The following DNAH11 variants were observed in gnomAD, a reference collection of about 807,000 sequenced individuals.
DNAH11 encodes axonemal beta dynein heavy chain 11.
In DNAH11, 442 loss-of-function variants were observed where a neutral mutation model predicts 526.0. The observed-to-expected ratio is 0.84, with a 90% CI of 0.78 to 0.91. DNAH11 has a LOEUF of 0.91. DNAH11 is among the 40% of genes least tolerant of loss of function. DNAH11 has a pLI of 0.00. For missense variants in DNAH11, 6,989 were observed against 5,448.7 expected (o/e 1.28, Z -8.90); for synonymous variants, 2,461 against 1,935.9 (o/e 1.27, Z -7.12).
chr7:21,900,821 C>T (rs1784769944), intron 81 of DNAH11, 186 bp from the exon 82 acceptor site: 2 of 877,582 alleles, frequency 2.3e-6, no homozygotes, highest in Non-Finnish European at 3.3e-6. Flanking sequence ...AAAGCGGTGC[C>T]TCCGCTGCAG....
At chr7:21,742,223 G>C in intron 49 of DNAH11, 57 bp downstream of exon 49, 3 of 1,557,018 alleles carry the variant, frequency 1.9e-6, no homozygotes, top group Non-Finnish European at 2.6e-6. Flanking sequence ...ATAATACTAT[G>C]TATTAGCCCA....
At chr7:21,692,949 A>G (rs1783691892) in intron 35 of DNAH11, among the ~76,000 whole-genome samples, 1 of 152,032 alleles carries the variant, frequency 6.6e-6, no homozygotes, top group African/African-American at 2.4e-5. Flanking sequence ...TTACATACTT[A>G]TTGTCTATTG....
intron 10 of DNAH11, 78 bp from the exon 11 acceptor site, chr7:21,588,434 A>G (rs1784549916): frequency 6.5e-7 from 1 of 1,550,044 alleles, no homozygotes; most frequent in Non-Finnish European, 8.8e-7. Context: ...TACCAAAATG[A>G]AAAATTGCTT....
chr7:21,736,982 A>T (rs1177129160), intron 46 of DNAH11, among the ~76,000 whole-genome samples: 8 of 152,252 alleles, frequency 5.3e-5, no homozygotes, highest in Admixed American at 5.2e-4. Context: ...CAGTAGTTGA[A>T]CAAATTACCT....
chr7:21,749,079 T>A (rs887239524), intron 52 of DNAH11, among the ~76,000 whole-genome samples: 2 of 152,106 alleles, frequency 1.3e-5, no homozygotes, highest in African/African-American at 4.8e-5. Flanking sequence ...GTATGATAGG[T>A]TGGGGAAAAA....
At chr7:21,610,187 T>G (rs2390545) in intron 20 of DNAH11, among the ~76,000 whole-genome samples, 41,305 of 151,912 alleles carry the variant, frequency 0.27, 5,901 homozygotes, top group East Asian at 0.55. Context: ...CTGGGAGGTG[T>G]AGCTTGCAGT....
intron 56 of DNAH11, among the ~76,000 whole-genome samples, chr7:21,777,771 AG>A (rs1227272638): frequency 6.6e-6 from 1 of 152,208 alleles, no homozygotes; most frequent in Non-Finnish European, 1.5e-5. Context: ...CTGAAAAATC[AG>A]TCATAGCTTA....
chr7:21,875,497 G>A (rs17145811), intron 74 of DNAH11, among the ~76,000 whole-genome samples: 5,903 of 152,010 alleles, frequency 0.039, 391 homozygotes, highest in African/African-American at 0.13. Context: ...ATACACGTTC[G>A]AAAATATACT....
intron 47 of DNAH11, among the ~76,000 whole-genome samples, 178 bp downstream of exon 47, chr7:21,739,044 C>T (rs1286376909): frequency 1.2e-4 from 18 of 152,146 alleles, no homozygotes; most frequent in African/African-American, 3.6e-4. Flanking sequence ...CTTTGTATCT[C>T]TTTTCATCAT....
At chr7:21,639,854 G>T (rs1229176358) in intron 28 of DNAH11, among the ~76,000 whole-genome samples, 1 of 149,764 alleles carries the variant, frequency 6.7e-6, no homozygotes, top group East Asian at 2.0e-4. Flanking sequence ...ATATAATTGT[G>T]GAGTTTTCTC....
intron 25 of DNAH11, among the ~76,000 whole-genome samples, chr7:21,627,941 G>T (rs66968075): frequency 6.6e-6 from 1 of 151,748 alleles, no homozygotes; most frequent in South Asian, 2.1e-4. Flanking sequence ...TGTGTCTTCA[G>T]TTTTTTTCAT....
chr7:21,681,808 G>A, intron 31 of DNAH11, 131 bp downstream of exon 31: 1 of 1,170,278 alleles, frequency 8.5e-7, no homozygotes. Context: ...GAAAAGTTGT[G>A]TTTGTCTTGG....
At chr7:21,616,361 T>A (rs1356108082) in intron 22 of DNAH11, 69 bp downstream of exon 22, 10 of 1,270,360 alleles carry the variant, frequency 7.9e-6, no homozygotes, top group Non-Finnish European at 1.1e-5. Context: ...TCTTCCCTAA[T>A]CTAGTATCTG....
At chr7:21,587,913 G>A (rs778754854) in intron 9 of DNAH11, 151 bp from the exon 10 acceptor site, 4 of 685,048 alleles carry the variant, frequency 5.8e-6, no homozygotes, top group Non-Finnish European at 8.7e-6. Flanking sequence ...TTAGGGAGAT[G>A]GAAAAATACA....
At chr7:21,650,842 A>G (rs767883479) in intron 28 of DNAH11, among the ~76,000 whole-genome samples, 1 of 150,876 alleles carries the variant, frequency 6.6e-6, no homozygotes, top group Non-Finnish European at 1.5e-5. Flanking sequence ...GTTTCACCAT[A>G]TTGGCCAGGC....
intron 42 of DNAH11, among the ~76,000 whole-genome samples, chr7:21,716,236 A>G (rs1045404043): frequency 3.3e-5 from 5 of 152,144 alleles, no homozygotes; most frequent in African/African-American, 1.2e-4. Context: ...CTTGTGCCCA[A>G]TAGGACGCTA....
chr7:21,899,394 C>G lies in DNAH11; in HGVS notation c.13108C>G (p.Leu4370Val), dbSNP rs746738432. 7 of 1,613,898 alleles carry G rather than the reference C, an allele frequency of 4.3e-6. No individual in the cohort carries two copies. Among genetic ancestry groups the G allele is most frequent in the Non-Finnish European group, 5.1e-6 (6 of 1,179,878 alleles). ...CGATACTTGGACACAAGACCTTACC[C>G]TTCCGGCTGTCGTGTGGCTCTCCGG... ...ELDTWTQDLT[L>V]PAVVWLSGFF... is the part of the protein sequence containing the mutation. The change falls in exon 80 of 82, where the codon CTT becomes GTT. Residue 4370 changes from leucine (L) to valine (V), a missense_variant. By Grantham distance (32) the Leu-to-Val change is conservative. Transcript: ENST00000409508.
intron 20 of DNAH11, among the ~76,000 whole-genome samples, chr7:21,610,475 A>G (rs1184191628): frequency 3.3e-5 from 5 of 152,228 alleles, no homozygotes; most frequent in Non-Finnish European, 7.3e-5. Flanking sequence ...AGGGGGTCCA[A>G]CAGATTAAGT....
chr7:21,798,101 A>G (rs1421044889), intron 61 of DNAH11, among the ~76,000 whole-genome samples: 2 of 152,182 alleles, frequency 1.3e-5, no homozygotes, highest in Non-Finnish European at 2.9e-5. Context: ...GAACCAAGAC[A>G]TTCATTCATT....
Sources: gnomAD v4.1 joint callset for allele counts (sites outside exome capture counted in the v4.1 genomes callset) on GRCh38, gnomAD v4.1.1 for gene constraint, MANE v1.5 for transcripts, NCBI Gene and HGNC (gene_info 2026-07-23, HGNC 2026-07-21) for gene names.